Variants in THSD4 observed in about 807,000 individuals in gnomAD.
The protein encoded by THSD4 is thrombospondin type-1 domain-containing protein 4.
A neutral mutation model predicts 119.0 loss-of-function variants in THSD4; 69 were observed. The ratio of observed to expected loss-of-function variants is 0.58; its 90% CI spans 0.48 to 0.71. The LOEUF (loss-of-function observed/expected upper bound fraction) is 0.71. THSD4 is among the 30% of genes least tolerant of loss of function. THSD4 has a pLI of 0.00. For synonymous variants in THSD4, 524 were observed against 540.4 expected, an observed-to-expected ratio of 0.97 and a Z score of 0.42; for missense variants, 1,393 against 1,391.1, an observed-to-expected ratio of 1.00 and a Z score of -0.02.
chr15:71,141,043 T>C (rs1596220238), intron 1 of THSD4, among the ~76,000 whole-genome samples: 3 of 152,278 alleles, frequency 2.0e-5, no homozygotes, highest in Admixed American at 2.0e-4. Flanking sequence ...TTATTTCTTT[T>C]TGTTGTTAGA....
Position 71,630,903 on chromosome 15 carries a change from A to G in THSD4, c.1153-29627A>G, listed in dbSNP as rs984575803. On this transcript the variant is annotated intron_variant, in intron 7 of 17. Coordinates refer to ENST00000261862, the MANE Select transcript of THSD4 (RefSeq NM_024817.3). ...CAGCTCTATCCACATTTGGCCCTGA[A>G]GGTTCTTTGCGGTGGGGGCTGTCCT... Among the ~76,000 whole-genome samples, 4 of 152,300 alleles carry G rather than the reference A, an allele frequency of 2.6e-5. No homozygotes were observed. The South Asian group carries it at 6.2e-4, about 24-fold the overall frequency.
At chr15:71,584,111 C>G (rs1323946059) in intron 7 of THSD4, among the ~76,000 whole-genome samples, 1 of 151,940 alleles carries the variant, frequency 6.6e-6, no homozygotes, top group Non-Finnish European at 1.5e-5. Flanking sequence ...ATTATATTCT[C>G]TTGATGATTC....
At chr15:71,511,611 CATTA>C (rs771560614) in intron 7 of THSD4, among the ~76,000 whole-genome samples, 7 of 152,200 alleles carry the variant, frequency 4.6e-5, no homozygotes, top group Non-Finnish European at 1.0e-4. Flanking sequence ...AATTTTGTAA[CATTA>C]ATTCTTTGAT....
At chr15:71,272,754 C>G (rs149181365) in intron 6 of THSD4, among the ~76,000 whole-genome samples, 3,408 of 152,114 alleles carry the variant, frequency 0.022, 151 homozygotes, top group African/African-American at 0.079. Context: ...ATCCCAGCTA[C>G]TCAGGAGGCT....
intron 14 of THSD4, among the ~76,000 whole-genome samples, chr15:71,757,092 C>T (rs1452802633): frequency 6.6e-6 from 1 of 152,156 alleles, no homozygotes; most frequent in East Asian, 1.9e-4. Context: ...CTCCATAGCC[C>T]TGTCAGAAAT....
chr15:71,610,920 C>A (rs1018408585), intron 7 of THSD4, among the ~76,000 whole-genome samples: 1 of 152,082 alleles, frequency 6.6e-6, no homozygotes, highest in Non-Finnish European at 1.5e-5. Flanking sequence ...TGTATGCCTA[C>A]ATGCATATTT....
At chr15:71,286,966 A>G (rs1334412996) in intron 6 of THSD4, among the ~76,000 whole-genome samples, 3 of 152,188 alleles carry the variant, frequency 2.0e-5, no homozygotes, top group Admixed American at 1.3e-4. Context: ...AAATTTCACT[A>G]TAACTTTTGC....
At chr15:71,172,694 T>TATATGTGAC (rs2043385292) in intron 3 of THSD4, among the ~76,000 whole-genome samples, 1 of 84,698 alleles carries the variant, frequency 1.2e-5, no homozygotes, top group South Asian at 3.8e-4. Flanking sequence ...TATATATATA[T>TATATGTGAC]ATATATATAT....
At chr15:71,447,107 CCATTTTTTTTG>C (rs1292644866) in intron 7 of THSD4, among the ~76,000 whole-genome samples, 4 of 129,558 alleles carry the variant, frequency 3.1e-5, no homozygotes, top group African/African-American at 6.0e-5. Context: ...CCTCTTCCCT[CCATTTTTTTTG>C]TTTTTTTTTT....
intron 6 of THSD4, among the ~76,000 whole-genome samples, chr15:71,259,574 G>A (rs548180131): frequency 1.6e-4 from 25 of 152,274 alleles, no homozygotes; most frequent in South Asian, 1.2e-3. Flanking sequence ...ACAGATGTAG[G>A]TCTGTCCAGC....
chr15:71,214,884 C>T, intron 3 of THSD4, 151 bp from the exon 4 acceptor site: 2 of 1,175,626 alleles, frequency 1.7e-6, no homozygotes, highest in South Asian at 8.8e-5. Flanking sequence ...CTCCAAAAAC[C>T]GACTCTAAGC....
At chr15:71,738,126 A>G (rs1172502311) in intron 11 of THSD4, 119 bp downstream of exon 11, 1 of 1,337,414 alleles carries the variant, frequency 7.5e-7, no homozygotes, top group Non-Finnish European at 1.0e-6. Context: ...GTGGAAGACG[A>G]TTTCTCCATG....
chr15:71,406,754 A>G (rs947701484), intron 6 of THSD4, among the ~76,000 whole-genome samples: 11 of 150,354 alleles, frequency 7.3e-5, no homozygotes, highest in African/African-American at 2.2e-4. Flanking sequence ...ATCTCGACTC[A>G]CTGCAACCTC....
chr15:71,231,808 G>A (rs2044064011), intron 4 of THSD4, among the ~76,000 whole-genome samples: 1 of 152,140 alleles, frequency 6.6e-6, no homozygotes, highest in Admixed American at 6.5e-5. Flanking sequence ...AGTGGTCAGA[G>A]TTTTGCCTCT....
chr15:71,321,632 G>T (rs1567194896), intron 6 of THSD4, among the ~76,000 whole-genome samples: 2 of 152,184 alleles, frequency 1.3e-5, no homozygotes, highest in East Asian at 1.9e-4. Context: ...GCAGCATTTT[G>T]AAATCATATT....
Position 71,418,542 on chromosome 15 carries a change from G to A in THSD4, c.1152+6719G>A, listed in dbSNP as rs2046780956. Reference sequence around the variant, plus strand: ...TATGGTTTTTGTCCTTCATTCTGTTGCTATGATATATCACATTAATTGATT... The same window carrying A: ...TATGGTTTTTGTCCTTCATTCTGTTACTATGATATATCACATTAATTGATT... On this transcript the variant is annotated intron_variant, in intron 7 of 17. Transcript: ENST00000261862. Among the ~76,000 whole-genome samples the A allele has an allele frequency of 1.8e-5, 2 of 108,770 alleles. 1 individual carries two copies. Among genetic ancestry groups the A allele is most frequent in the Non-Finnish European group, 4.1e-5 (2 of 49,216 alleles). The allele number at this position is 108,770 out of a possible 152,430, so 71.4% of individuals were successfully genotyped here.
chr15:71,203,343 A>AG (rs2043818413), intron 3 of THSD4, among the ~76,000 whole-genome samples: 1 of 152,120 alleles, frequency 6.6e-6, no homozygotes, highest in Non-Finnish European at 1.5e-5. Flanking sequence ...GTAACACAGT[A>AG]GGGCTAGGTT....
At chr15:71,135,392 C>CAAAAA (rs1170278742) in intron 1 of THSD4, among the ~76,000 whole-genome samples, 68 of 122,478 alleles carry the variant, frequency 5.6e-4, no homozygotes, top group East Asian at 2.0e-3. Context: ...TACTAAATGA[C>CAAAAA]AAAAAAAAAA....
At chr15:71,216,613 C>T (rs1417423319) in intron 4 of THSD4, among the ~76,000 whole-genome samples, 1 of 152,224 alleles carries the variant, frequency 6.6e-6, no homozygotes, top group Non-Finnish European at 1.5e-5. Context: ...GAGTGAAGAA[C>T]AGTGAGTTCC....
Sources: gnomAD v4.1 joint callset for allele counts (sites outside exome capture counted in the v4.1 genomes callset) on GRCh38, gnomAD v4.1.1 for gene constraint, MANE v1.5 for transcripts, NCBI Gene and HGNC (gene_info 2026-07-23, HGNC 2026-07-21) for gene names.